The following SLC35F1 variants were observed in gnomAD, a reference collection of about 807,000 sequenced individuals.
SLC35F1 encodes the protein chromosome 6 open reading frame 169.
In SLC35F1, 14 loss-of-function variants were observed where a neutral mutation model predicts 48.7. The observed-to-expected ratio is 0.29, with a 90% confidence interval of 0.19 to 0.45. The LOEUF (loss-of-function observed/expected upper bound fraction) is 0.45, where lower values mean the gene tolerates loss of function less well. Among genes scored for constraint, SLC35F1 ranks in the 20% least tolerant of loss-of-function variants. The pLI is 1.00. For missense variants in SLC35F1, 404 were observed against 500.0 expected (o/e 0.81, Z 1.83); for synonymous variants, 190 against 202.2 (o/e 0.94, Z 0.51).
intron 3 of SLC35F1, among the ~76,000 whole-genome samples, chr6:118,236,089 C>A (rs1775361725): frequency 6.6e-6 from 1 of 152,064 alleles, no homozygotes; most frequent in African/African-American, 2.4e-5. Context: ...GCTTAATAAT[C>A]TTTTCTTTTA....
intron 1 of SLC35F1, among the ~76,000 whole-genome samples, chr6:118,009,424 C>T (rs762132604): frequency 1.3e-5 from 2 of 152,146 alleles, no homozygotes; most frequent in African/African-American, 2.4e-5. Context: ...CCACCTGGTC[C>T]GGCTTGTCAC....
At position 117,961,034 on chromosome 6, in the gene SLC35F1, CA is replaced by C. The variant is rs1046354187; in HGVS notation, c.173+53143del. Among the ~76,000 whole-genome samples, 116 of 151,632 alleles carry C rather than the reference CA, an allele frequency of 7.7e-4. 1 individual carries two copies. The highest frequency in any genetic ancestry group is 2.6e-3 in the African/African-American group (106 of 41,350). On this transcript the variant is annotated intron_variant, in intron 1 of 7. Coordinates refer to ENST00000360388, the MANE Select transcript of SLC35F1 (RefSeq NM_001029858.4). ...ACAATATCTCCTTCAGGTCTGTATG[CA>C]AAAAAAATTTAAAAAAATGGAATGG...
At chr6:118,293,258 T>C (rs1467079143) in intron 7 of SLC35F1, among the ~76,000 whole-genome samples, 1 of 152,212 alleles carries the variant, frequency 6.6e-6, no homozygotes, top group African/African-American at 2.4e-5. Context: ...CAGAGCCTAC[T>C]TGGGCTAAAA....
intron 2 of SLC35F1, among the ~76,000 whole-genome samples, chr6:118,172,349 A>G (rs1774418571): frequency 6.6e-6 from 1 of 152,140 alleles, no homozygotes. Flanking sequence ...AGCCAAATGT[A>G]TCCTGCCTTT....
chr6:117,971,075 G>A (rs750654449), intron 1 of SLC35F1, among the ~76,000 whole-genome samples: 2 of 151,964 alleles, frequency 1.3e-5, no homozygotes, highest in Non-Finnish European at 1.5e-5. Flanking sequence ...CTCCACCTAC[G>A]CGCCTGTAAA....
intron 7 of SLC35F1, among the ~76,000 whole-genome samples, chr6:118,297,923 C>A (rs1048539502): frequency 6.6e-6 from 1 of 151,614 alleles, no homozygotes; most frequent in African/African-American, 2.4e-5. Flanking sequence ...GCGGATTCCT[C>A]GTGAATGGCT....
intron 3 of SLC35F1, among the ~76,000 whole-genome samples, chr6:118,256,258 G>C (rs189797430): frequency 2.1e-4 from 30 of 143,344 alleles, no homozygotes; most frequent in African/African-American, 7.8e-4. Context: ...GTGTGTGACT[G>C]AAGTTTGTCC....
chr6:118,084,537 A>G (rs1048347637), intron 1 of SLC35F1, among the ~76,000 whole-genome samples: 7 of 152,144 alleles, frequency 4.6e-5, no homozygotes, highest in African/African-American at 1.7e-4. Flanking sequence ...CAAATGCTTT[A>G]CCTTCTAGTG....
At chr6:118,243,259 T>C (rs547919917) in intron 3 of SLC35F1, among the ~76,000 whole-genome samples, 233 of 152,316 alleles carry the variant, frequency 1.5e-3, no homozygotes, top group African/African-American at 5.0e-3. Flanking sequence ...TTTTCATATG[T>C]CTAGAGTCTC....
intron 2 of SLC35F1, among the ~76,000 whole-genome samples, chr6:118,201,654 G>C (rs1774875093): frequency 6.6e-6 from 1 of 152,140 alleles, no homozygotes; most frequent in African/African-American, 2.4e-5. Flanking sequence ...CTCAATTAAA[G>C]TATATAATTC....
intron 1 of SLC35F1, among the ~76,000 whole-genome samples, chr6:117,950,316 A>T (rs1179310585): frequency 6.6e-6 from 1 of 152,168 alleles, no homozygotes; most frequent in East Asian, 1.9e-4. Flanking sequence ...TGCTTGTGGA[A>T]GTTAAATAAT....
chr6:117,933,770 C>T (rs1364719144), intron 1 of SLC35F1, among the ~76,000 whole-genome samples: 12 of 152,026 alleles, frequency 7.9e-5, no homozygotes. Context: ...GTGAAAAATA[C>T]GCTTGGGTGT....
intron 1 of SLC35F1, among the ~76,000 whole-genome samples, chr6:118,145,118 T>A (rs889660729): frequency 4.6e-5 from 7 of 152,228 alleles, no homozygotes; most frequent in African/African-American, 1.4e-4. Context: ...ACCCATTCAT[T>A]AGCTGTCACT....
At chr6:118,069,826 G>A (rs572564639) in intron 1 of SLC35F1, among the ~76,000 whole-genome samples, 13 of 152,292 alleles carry the variant, frequency 8.5e-5, no homozygotes, top group African/African-American at 2.6e-4. Context: ...TACCCAAAAT[G>A]AGTTTGTTTC....
At chr6:118,289,992 G>A (rs1024358640) in intron 7 of SLC35F1, among the ~76,000 whole-genome samples, 1 of 152,156 alleles carries the variant, frequency 6.6e-6, no homozygotes, top group Non-Finnish European at 1.5e-5. Flanking sequence ...TGTTTTGGGG[G>A]CCTGTCCTTT....
chr6:118,294,025 C>T (rs1776154643), intron 7 of SLC35F1, among the ~76,000 whole-genome samples: 2 of 152,260 alleles, frequency 1.3e-5, no homozygotes, highest in Non-Finnish European at 2.9e-5. Flanking sequence ...TGAGATTTGC[C>T]TTATGGAGCT....
intron 1 of SLC35F1, among the ~76,000 whole-genome samples, chr6:117,962,792 TAA>T (rs1435038641): frequency 2.0e-5 from 3 of 152,142 alleles, no homozygotes; most frequent in Non-Finnish European, 4.4e-5. Flanking sequence ...GCAGAAAACA[TAA>T]GACTCGATCA....
At chr6:118,284,766 G>C (rs150421764) in intron 6 of SLC35F1, among the ~76,000 whole-genome samples, 253 of 152,122 alleles carry the variant, frequency 1.7e-3, no homozygotes, top group African/African-American at 5.9e-3. Flanking sequence ...TCATCATTGT[G>C]GGCAATACAT....
chr6:118,134,302 G>T (rs1243743482), intron 1 of SLC35F1, among the ~76,000 whole-genome samples: 1 of 129,946 alleles, frequency 7.7e-6, no homozygotes, highest in Non-Finnish European at 1.8e-5. Flanking sequence ...GCATCTTATA[G>T]TCCATTTATC....
Sources: allele counts gnomAD v4.1 joint callset (sites outside exome capture counted in the v4.1 genomes callset), GRCh38; gene constraint gnomAD v4.1.1; transcripts MANE v1.5; gene names NCBI Gene and HGNC (gene_info 2026-07-23, HGNC 2026-07-21).